The following TENM3 variants were observed in gnomAD, a reference collection of about 807,000 sequenced individuals.
TENM3 encodes teneurin transmembrane protein 3, also known as teneurin-3.
Under a neutral mutation model 255.1 loss-of-function variants are expected in TENM3, and 63 were observed. The ratio of observed to expected loss-of-function variants is 0.25; its 90% CI spans 0.20 to 0.30. TENM3 has a LOEUF of 0.30. Ranked by LOEUF, TENM3 falls within the 10% of genes least tolerant of loss-of-function variation. The pLI is 1.00. For synonymous variants in TENM3, 1,306 were observed against 1,322.3 expected, an observed-to-expected ratio of 0.99 and a Z score of 0.27; for missense variants, 2,929 against 3,461.1, an observed-to-expected ratio of 0.85 and a Z score of 3.86.
the TENM3 span, among the ~76,000 whole-genome samples, chr4:181,465,775 G>A: frequency 5.9e-5 from 9 of 152,044 alleles, no homozygotes; most frequent in African/African-American, 1.9e-4. Flanking sequence ...CTTTAGTAGC[G>A]CTTACAGTGA....
the TENM3 span, among the ~76,000 whole-genome samples, chr4:181,888,550 GTA>G: frequency 1.0e-4 from 8 of 79,422 alleles, no homozygotes; most frequent in Non-Finnish European, 1.5e-4. Flanking sequence ...ATATATATAT[GTA>G]TATATATACA....
chr4:181,896,748 T>C, the TENM3 span, among the ~76,000 whole-genome samples: 1 of 152,210 alleles, frequency 6.6e-6, no homozygotes, highest in African/African-American at 2.4e-5. Flanking sequence ...GAAGGAATGC[T>C]GTCTCTCAGT....
At chr4:182,149,420 A>G (rs189855892) in intron 1 of TENM3, among the ~76,000 whole-genome samples, 1 of 152,162 alleles carries the variant, frequency 6.6e-6, no homozygotes, top group Non-Finnish European at 1.5e-5. Context: ...CCTAGCTAGA[A>G]CAGCTACATG....
intron 4 of TENM3, 63 bp from the exon 5 acceptor site, chr4:182,628,588 T>C (rs1056398782): frequency 1.5e-4 from 166 of 1,073,098 alleles, no homozygotes; most frequent in Non-Finnish European, 2.2e-4. Flanking sequence ...AATGCATCGC[T>C]GTCTCTTGTC....
intron 3 of TENM3, among the ~76,000 whole-genome samples, chr4:182,364,578 G>T (rs535996809): frequency 1.5e-4 from 23 of 152,060 alleles, no homozygotes; most frequent in Non-Finnish European, 2.9e-4. Flanking sequence ...CACCACGCCC[G>T]GCTAATTTTT....
rs927375636 is a variant in TENM3, at chr4:182,429,018, A to G, written c.511+82089A>G. On this transcript the variant is annotated intron_variant, in intron 3 of 27. Coordinates refer to ENST00000511685, the MANE Select transcript of TENM3 (RefSeq NM_001080477.4). Reference sequence around the variant, plus strand: ...TGTTAGGAAATATCTTTGTTTGTCTATTGACCTAACTGATCCTAAGGTAGC... The same window carrying G: ...TGTTAGGAAATATCTTTGTTTGTCTGTTGACCTAACTGATCCTAAGGTAGC... Among the ~76,000 whole-genome samples, 36 of 152,176 alleles carry G rather than the reference A, an allele frequency of 2.4e-4. 1 individual carries two copies. The highest frequency in any genetic ancestry group is 8.8e-5 in the Non-Finnish European group (6 of 68,028).
chr4:182,440,303 G>C (rs138256490), intron 3 of TENM3, among the ~76,000 whole-genome samples: 46 of 151,888 alleles, frequency 3.0e-4, no homozygotes, highest in African/African-American at 4.1e-4. Context: ...TAGTAGAGAC[G>C]GGGTGTCACC....
the TENM3 span, among the ~76,000 whole-genome samples, chr4:182,093,342 G>A: frequency 0.19 from 28,394 of 152,082 alleles, 2,717 homozygotes; most frequent in South Asian, 0.22. Context: ...GAGCAGTACA[G>A]TTTTTCAGTC....
At chr4:182,723,904 T>C (rs1260874739) in intron 13 of TENM3, among the ~76,000 whole-genome samples, 1 of 152,228 alleles carries the variant, frequency 6.6e-6, no homozygotes, top group Non-Finnish European at 1.5e-5. Flanking sequence ...ATTTACTCTT[T>C]GGTTCTACAA....
At chr4:181,559,708 C>A in the TENM3 span, among the ~76,000 whole-genome samples, 1 of 152,174 alleles carries the variant, frequency 6.6e-6, no homozygotes, top group Non-Finnish European at 1.5e-5. Context: ...GTGGCAATGT[C>A]ACGCCTGCAT....
chr4:182,390,468 C>T (rs1418624435), intron 3 of TENM3, among the ~76,000 whole-genome samples: 1 of 152,130 alleles, frequency 6.6e-6, no homozygotes, highest in Non-Finnish European at 1.5e-5. Flanking sequence ...GGTTGGAAAG[C>T]AGCAGAAAAT....
At chr4:182,162,963 C>G (rs1309529224) in intron 1 of TENM3, among the ~76,000 whole-genome samples, 2 of 152,176 alleles carry the variant, frequency 1.3e-5, no homozygotes, top group African/African-American at 4.8e-5. Flanking sequence ...TCACTCTTCT[C>G]TCAGGCCTGA....
At chr4:181,893,399 CATT>C in the TENM3 span, among the ~76,000 whole-genome samples, 10 of 151,384 alleles carry the variant, frequency 6.6e-5, no homozygotes, top group African/African-American at 2.4e-4. Flanking sequence ...ATAATGTTAA[CATT>C]ATGATAATAT....
At chr4:182,556,515 C>T (rs1045769678) in intron 3 of TENM3, among the ~76,000 whole-genome samples, 1 of 151,944 alleles carries the variant, frequency 6.6e-6, no homozygotes, top group Non-Finnish European at 1.5e-5. Flanking sequence ...GAGGAATTGT[C>T]CTATTTAAAA....
At chr4:181,946,769 C>T in the TENM3 span, among the ~76,000 whole-genome samples, 297 of 152,108 alleles carry the variant, frequency 2.0e-3, no homozygotes, top group Middle Eastern at 3.4e-3. Flanking sequence ...ATTTGTGTTA[C>T]GTGTATTTAT....
chr4:181,601,685 A>C, the TENM3 span, among the ~76,000 whole-genome samples: 1 of 152,286 alleles, frequency 6.6e-6, no homozygotes, highest in Admixed American at 6.5e-5. Context: ...TTCACTTTAT[A>C]AAAATGTTAT....
chr4:181,817,943 A>G, the TENM3 span, among the ~76,000 whole-genome samples: 49 of 152,292 alleles, frequency 3.2e-4, no homozygotes, highest in East Asian at 9.5e-3. Context: ...TACAAAGTCC[A>G]GTGTTTGTAG....
intron 6 of TENM3, among the ~76,000 whole-genome samples, chr4:182,658,506 G>A (rs908719815): frequency 6.6e-6 from 1 of 152,188 alleles, no homozygotes; most frequent in Non-Finnish European, 1.5e-5. Flanking sequence ...GACAGTGGTG[G>A]TAGTAGTAGA....
chr4:182,012,482 A>G, the TENM3 span, among the ~76,000 whole-genome samples: 1,520 of 152,318 alleles, frequency 1.0e-2, 28 homozygotes, highest in African/African-American at 0.035. Context: ...AGAACGCCGG[A>G]ATTGTCTGAC....
Sources: gnomAD v4.1 joint callset for allele counts (sites outside exome capture counted in the v4.1 genomes callset) on GRCh38, gnomAD v4.1.1 for gene constraint, MANE v1.5 for transcripts, NCBI Gene and HGNC (gene_info 2026-07-23, HGNC 2026-07-21) for gene names.